The following HOPX variants were observed in gnomAD, a reference collection of about 807,000 sequenced individuals.
HOPX encodes the protein HOP homeobox.
A neutral mutation model predicts 11.8 loss-of-function variants in HOPX; 5 were observed. The observed-to-expected ratio is 0.43, with a 90% CI of 0.22 to 0.89. The LOEUF (loss-of-function observed/expected upper bound fraction) is 0.89. Among genes scored for constraint, HOPX ranks in the 40% least tolerant of loss-of-function variants. HOPX has a pLI of 0.28. For missense variants in HOPX, 119 were observed against 120.0 expected, an observed-to-expected ratio of 0.99 and a Z score of 0.04; for synonymous variants, 49 against 49.7, an observed-to-expected ratio of 0.99 and a Z score of 0.06.
At chr4:56,656,473 G>C in intron 2 of HOPX, 1 of 958,452 alleles carries the variant, frequency 1.0e-6, no homozygotes, top group Non-Finnish European at 1.2e-6. Flanking sequence ...GTTCGCCCGA[G>C]TCCGCGACTA....
chr4:56,656,291 T>A (rs1178657389), intron 2 of HOPX: 1 of 1,134,776 alleles, frequency 8.8e-7, no homozygotes, highest in Non-Finnish European at 1.1e-6. Flanking sequence ...GCAGGAACTG[T>A]ATCCCTGCCT....
Position 56,657,863 on chromosome 4 carries a change from C to T in HOPX, c.-47G>A, listed in dbSNP as rs551622354. Reference sequence around the variant, plus strand: ...GTTGCCCAGCTGGTGACCTGTGCTCCGCTAGACCCTTCTCAGTGGGGCAGT... The same window carrying T: ...GTTGCCCAGCTGGTGACCTGTGCTCTGCTAGACCCTTCTCAGTGGGGCAGT... On this transcript the variant is annotated 5_prime_UTR_variant, in exon 2 of 4. Transcript: ENST00000420433. The T allele has an allele frequency of 9.2e-5, 143 of 1,551,148 alleles. 1 individual carries two copies. In the East Asian group the frequency reaches 1.9e-3, roughly 21 times the overall value.
intron 3 of HOPX, chr4:56,651,031 C>T: frequency 2.3e-6 from 1 of 431,886 alleles, no homozygotes; most frequent in Non-Finnish European, 4.1e-6. Context: ...GTTACTACAG[C>T]TGAAGAAATG....
At chr4:56,655,826 C>T (rs907605184) in intron 3 of HOPX, 31 bp downstream of exon 3, 3 of 1,601,702 alleles carry the variant, frequency 1.9e-6, no homozygotes, top group Non-Finnish European at 2.6e-6. Context: ...AGGCAGGGGT[C>T]GGGGCGCGCT....
intron 3 of HOPX, among the ~76,000 whole-genome samples, chr4:56,651,966 AAGG>A (rs1171568401): frequency 4.0e-5 from 6 of 151,830 alleles, no homozygotes; most frequent in East Asian, 1.9e-4. Context: ...GGGGCTGAGG[AAGG>A]AGATTTCCCA....
intron 1 of HOPX, among the ~76,000 whole-genome samples, chr4:56,659,966 A>C (rs1166757088): frequency 6.6e-6 from 1 of 152,246 alleles, no homozygotes; most frequent in Non-Finnish European, 1.5e-5. Flanking sequence ...AAAATTATAA[A>C]TTAGCAAAAG....
rs947615793 is a variant in HOPX, at chr4:56,667,554, A to C, written c.-83-9655T>G. Among the ~76,000 whole-genome samples the C allele has an allele frequency of 2.3e-4, 35 of 152,236 alleles. 1 individual carries two copies. The highest frequency in any genetic ancestry group is 8.0e-4 in the African/African-American group (33 of 41,468). On this transcript the variant is annotated intron_variant, in intron 1 of 3. Coordinates refer to ENST00000420433, the MANE Select transcript of HOPX (RefSeq NM_032495.6). ...AATAACCAAAGCAGGCAGAGGCCCA[A>C]GCATAACTCAGTCTACCAGACAGAT... is the stretch of plus-strand genomic sequence containing the variant.
intron 1 of HOPX, among the ~76,000 whole-genome samples, chr4:56,674,861 C>T (rs759651841): frequency 6.6e-6 from 1 of 150,428 alleles, no homozygotes. Flanking sequence ...AACCTTCCCG[C>T]CTCAGTCTCC....
At chr4:56,650,421 A>G (rs549730579) in intron 3 of HOPX, 2 of 403,438 alleles carry the variant, frequency 5.0e-6, no homozygotes, top group South Asian at 6.3e-5. Flanking sequence ...AATGAACAGG[A>G]TGGGCTCTAG....
Position 56,675,870 on chromosome 4 carries a change from C to T in HOPX, c.-84+5385G>A, listed in dbSNP as rs1023144474. ...AACAGAGCAGGGGCTGCTTCAGGAT[C>T]CCCAGGTGATGGTTTTTAAAAGGGC... On this transcript the variant is annotated intron_variant, in intron 1 of 3. Transcript: ENST00000420433. 2.6e-5 allele frequency among the ~76,000 whole-genome samples: 4 copies of T among 151,684 alleles called. No homozygotes were observed. In the East Asian group the frequency reaches 7.7e-4, roughly 29 times the overall value.
At chr4:56,656,211 G>C in intron 2 of HOPX, 199 bp from the exon 3 acceptor site, 1 of 1,132,032 alleles carries the variant, frequency 8.8e-7, no homozygotes, top group Middle Eastern at 3.4e-4. Flanking sequence ...TCCCTCCCTG[G>C]ACTGAGCGCT....
intron 3 of HOPX, chr4:56,650,034 G>C (rs1578321931): frequency 6.5e-6 from 1 of 152,962 alleles, no homozygotes; most frequent in East Asian, 1.9e-4. Flanking sequence ...GGGGTACATT[G>C]AGAAGGACAA....
chr4:56,650,595 A>C lies in HOPX; in HGVS notation c.199-1798T>G, dbSNP rs1717066984. 15 of 1,400,208 alleles carry C rather than the reference A, an allele frequency of 1.1e-5. No homozygotes were observed. In the South Asian group the frequency reaches 1.9e-4, roughly 18 times the overall value. The allele number at this position is 1,400,208 out of a possible 1,614,324, so 86.7% of individuals were successfully genotyped here. A position where few individuals can be genotyped will look rare whatever the true frequency, so the allele number is the denominator to read the frequency against. On this transcript the variant is annotated intron_variant, in intron 3 of 3. Coordinates refer to ENST00000420433, the MANE Select transcript of HOPX (RefSeq NM_032495.6). ...CACATCAATGCTAAGCAGGCTGAAT[A>C]GCATGGGAACACACCTACACCTCAC...
chr4:56,670,555 T>G lies in HOPX; in HGVS notation c.-84+10700A>C, dbSNP rs143072237. Among the ~76,000 whole-genome samples, 41 of 152,348 alleles carry G rather than the reference T, an allele frequency of 2.7e-4. 1 individual carries two copies. The East Asian group carries it at 7.7e-3, about 29-fold the overall frequency. On this transcript the variant is annotated intron_variant, in intron 1 of 3. Transcript: ENST00000420433. Reference sequence around the variant, plus strand: ...TTGGAGTACGTTATTAATTTTTGATTGCCCATTTAACTTCTTTTGTTTAGG... The same window carrying G: ...TTGGAGTACGTTATTAATTTTTGATGGCCCATTTAACTTCTTTTGTTTAGG...
In HOPX at chr4:56,648,807, A is replaced by G. The variant is rs1322497674; in HGVS notation, c.199-10T>C. The G allele has an allele frequency of 6.2e-7, 1 of 1,602,796 alleles. No homozygotes were observed. The highest frequency in any genetic ancestry group is 1.1e-5 in the South Asian group (1 of 90,376). Reference sequence around the variant, plus strand: ...GCTGCTTAAACCATTTCTGGAAGAGAGAAATGAGAAAAAATATTTGTCACA... The same window carrying G: ...GCTGCTTAAACCATTTCTGGAAGAGGGAAATGAGAAAAAATATTTGTCACA... On this transcript the variant is annotated splice_polypyrimidine_tract_variant and intron_variant, in intron 3 of 3. Coordinates refer to ENST00000420433, the MANE Select transcript of HOPX (RefSeq NM_032495.6).
At chr4:56,671,890 G>A (rs964081694) in intron 1 of HOPX, among the ~76,000 whole-genome samples, 5 of 152,144 alleles carry the variant, frequency 3.3e-5, no homozygotes, top group Non-Finnish European at 5.9e-5. Flanking sequence ...TGCTTTAGAC[G>A]TCCATTTCAT....
intron 3 of HOPX, among the ~76,000 whole-genome samples, chr4:56,651,415 C>CT (rs60937071): frequency 0.17 from 26,422 of 152,046 alleles, 3,361 homozygotes; most frequent in African/African-American, 0.36. Flanking sequence ...GCTTTTTTCC[C>CT]TTTAGAGCTG....
intron 1 of HOPX, chr4:56,659,185 G>C (rs574296271): frequency 3.9e-4 from 59 of 152,298 alleles, no homozygotes; most frequent in African/African-American, 1.4e-3. Context: ...AGAACAAAAG[G>C]TTATCAATGG....
chr4:56,650,026 G>A (rs1235693458), intron 3 of HOPX: 1 of 152,728 alleles, frequency 6.5e-6, no homozygotes, highest in Non-Finnish European at 1.5e-5. Flanking sequence ...CATGTCATGG[G>A]GTACATTGAG....
Sources: gnomAD v4.1 joint callset for allele counts (sites outside exome capture counted in the v4.1 genomes callset) on GRCh38, gnomAD v4.1.1 for gene constraint, MANE v1.5 for transcripts, NCBI Gene and HGNC (gene_info 2026-07-23, HGNC 2026-07-21) for gene names.